CSMD1: variants seen among roughly 807,000 people sequenced by gnomAD.
The protein encoded by CSMD1 is CUB and sushi domain-containing protein 1.
In CSMD1, 213 loss-of-function variants were observed where a neutral mutation model predicts 417.5. The observed-to-expected ratio is 0.51, with a 90% CI of 0.46 to 0.57. CSMD1 has a LOEUF of 0.57. CSMD1 is among the 20% of genes least tolerant of loss of function. The pLI is 0.00. For missense variants in CSMD1, 6,923 were observed against 4,529.7 expected, an observed-to-expected ratio of 1.53 and a Z score of -15.17; for synonymous variants, 2,862 against 1,736.8, an observed-to-expected ratio of 1.65 and a Z score of -16.11.
At chr8:4,823,699 T>A (rs978579812) in intron 1 of CSMD1, among the ~76,000 whole-genome samples, 1 of 152,014 alleles carries the variant, frequency 6.6e-6, no homozygotes, top group Admixed American at 6.6e-5. Flanking sequence ...ATGGTGAGAA[T>A]TAATATAATG....
At chr8:4,052,484 G>C (rs1053074968) in intron 3 of CSMD1, among the ~76,000 whole-genome samples, 1 of 152,072 alleles carries the variant, frequency 6.6e-6, no homozygotes, top group Non-Finnish European at 1.5e-5. Flanking sequence ...CTTTACCCAG[G>C]GTCAGAGTGC....
intron 3 of CSMD1, among the ~76,000 whole-genome samples, chr8:4,073,420 T>G (rs1024658771): frequency 6.6e-6 from 1 of 152,224 alleles, no homozygotes; most frequent in Admixed American, 6.5e-5. Flanking sequence ...AGGGAAATTT[T>G]GGGAGCTATT....
intron 5 of CSMD1, among the ~76,000 whole-genome samples, chr8:3,856,238 G>GCT (rs976860672): frequency 1.3e-5 from 2 of 151,928 alleles, no homozygotes; most frequent in South Asian, 2.1e-4. Flanking sequence ...TGTAGCACCT[G>GCT]CTCTCTCTCT....
chr8:4,613,243 T>C (rs969559976), intron 2 of CSMD1, among the ~76,000 whole-genome samples: 4 of 152,190 alleles, frequency 2.6e-5, no homozygotes, highest in African/African-American at 9.6e-5. Flanking sequence ...AATTGTTGTT[T>C]GTATTTAAAT....
chr8:4,434,033 A>C (rs936690712), intron 2 of CSMD1, among the ~76,000 whole-genome samples: 4 of 152,174 alleles, frequency 2.6e-5, no homozygotes, highest in African/African-American at 9.7e-5. Flanking sequence ...TATGACAAGG[A>C]ATTTTAAATA....
chr8:4,842,150 G>C (rs1389740621), intron 1 of CSMD1, among the ~76,000 whole-genome samples: 2 of 152,178 alleles, frequency 1.3e-5, no homozygotes, highest in African/African-American at 4.8e-5. Flanking sequence ...AGAACTTGCA[G>C]TATTATTGAA....
intron 3 of CSMD1, among the ~76,000 whole-genome samples, chr8:4,038,375 G>A (rs929446254): frequency 2.0e-5 from 3 of 152,234 alleles, no homozygotes; most frequent in Admixed American, 6.5e-5. Context: ...CTTGTAAATT[G>A]TAAAATATTG....
intron 5 of CSMD1, among the ~76,000 whole-genome samples, chr8:3,905,278 A>T (rs1351074212): frequency 6.6e-6 from 1 of 152,248 alleles, no homozygotes; most frequent in African/African-American, 2.4e-5. Context: ...AGAGTTAGGG[A>T]AAATATTCAC....
chr8:3,539,116 G>A (rs1303407207), intron 10 of CSMD1, among the ~76,000 whole-genome samples: 2 of 152,196 alleles, frequency 1.3e-5, no homozygotes, highest in Admixed American at 6.5e-5. Context: ...TGCACCCGCG[G>A]ATAGCAGGGA....
At chr8:3,491,358 C>T (rs958068338) in intron 11 of CSMD1, among the ~76,000 whole-genome samples, 2 of 152,124 alleles carry the variant, frequency 1.3e-5, no homozygotes, top group African/African-American at 4.8e-5. Context: ...TTATTAGACC[C>T]AAATTCCCAG....
intron 54 of CSMD1, among the ~76,000 whole-genome samples, chr8:2,984,053 A>C (rs1185489145): frequency 1.3e-5 from 2 of 152,208 alleles, no homozygotes; most frequent in Admixed American, 6.5e-5. Flanking sequence ...ACTAAGAAAA[A>C]AAATAAAACC....
At chr8:4,335,733 A>C (rs1800126985) in intron 3 of CSMD1, among the ~76,000 whole-genome samples, 1 of 152,132 alleles carries the variant, frequency 6.6e-6, no homozygotes, top group African/African-American at 2.4e-5. Context: ...GTGTACCTTA[A>C]TAGGGCTCAC....
intron 3 of CSMD1, among the ~76,000 whole-genome samples, chr8:4,134,436 C>T (rs996462283): frequency 6.6e-6 from 1 of 152,120 alleles, no homozygotes; most frequent in African/African-American, 2.4e-5. Context: ...AGACAGGTGT[C>T]TACAAGCCAA....
At chr8:3,518,923 C>T (rs1051007082) in intron 10 of CSMD1, among the ~76,000 whole-genome samples, 1 of 152,198 alleles carries the variant, frequency 6.6e-6, no homozygotes, top group African/African-American at 2.4e-5. Flanking sequence ...TGTTGAATCT[C>T]CTCATATTGT....
chr8:3,815,938 G>A (rs1205659143), intron 5 of CSMD1, among the ~76,000 whole-genome samples: 1 of 152,064 alleles, frequency 6.6e-6, no homozygotes, highest in African/African-American at 2.4e-5. Flanking sequence ...ATAATTCACT[G>A]GACTAGAAAT....
intron 5 of CSMD1, among the ~76,000 whole-genome samples, chr8:3,976,627 C>T (rs1326048858): frequency 1.3e-5 from 2 of 152,140 alleles, no homozygotes; most frequent in African/African-American, 4.8e-5. Context: ...ATCAATGCAA[C>T]CCTATGACCA....
rs183787539 is a variant in CSMD1 at position 3,831,540 on chromosome 8, T to C, written c.819-77498A>G. 4.5e-4 allele frequency among the ~76,000 whole-genome samples: 69 copies of C among 152,160 alleles called. No individual in the cohort carries two copies. The East Asian group carries it at 8.9e-3, about 20-fold the overall frequency. ...TTTTGGAGAACAGGCTGGAGGAAAA[T>C]GTTGTTTTCATATGCCTCTGTGCTC... On this transcript the variant is annotated intron_variant, in intron 5 of 69. Coordinates refer to ENST00000635120, the MANE Select transcript of CSMD1 (RefSeq NM_033225.6).
chr8:4,271,276 G>A (rs1804578177), intron 3 of CSMD1, among the ~76,000 whole-genome samples: 1 of 152,120 alleles, frequency 6.6e-6, no homozygotes, highest in African/African-American at 2.4e-5. Context: ...TGTAGGGGTT[G>A]GTGCCCTAAC....
intron 7 of CSMD1, among the ~76,000 whole-genome samples, chr8:3,667,884 A>G (rs767524771): frequency 6.6e-6 from 1 of 152,176 alleles, no homozygotes; most frequent in Non-Finnish European, 1.5e-5. Flanking sequence ...AGAAGCAGCC[A>G]AGGCCAGATC....
Sources: gnomAD v4.1 joint callset for allele counts (sites outside exome capture counted in the v4.1 genomes callset) on GRCh38, gnomAD v4.1.1 for gene constraint, MANE v1.5 for transcripts, NCBI Gene and HGNC (gene_info 2026-07-23, HGNC 2026-07-21) for gene names.